The following DOK5 variants were observed in gnomAD, a reference collection of about 807,000 sequenced individuals.
The protein encoded by DOK5 is docking protein 5.
DOK5 carries 27 observed loss-of-function variants against 43.3 expected under a neutral mutation model. The ratio of observed to expected loss-of-function variants is 0.62; its 90% CI spans 0.46 to 0.86. The LOEUF is 0.86. DOK5 is among the 40% of genes least tolerant of loss of function. The pLI is 0.00. For missense variants in DOK5, 373 were observed against 392.9 expected (o/e 0.95, Z 0.43); for synonymous variants, 146 against 140.1 (o/e 1.04, Z -0.30).
intron 1 of DOK5, among the ~76,000 whole-genome samples, chr20:54,534,109 G>A (rs896416627): frequency 3.9e-5 from 6 of 152,174 alleles, no homozygotes; most frequent in African/African-American, 1.4e-4. Flanking sequence ...GTAAAGATTC[G>A]TTTTTGATCA....
rs386394048 is a variant in DOK5 at position 54,646,248 on chromosome 20, G to GTTTTTTTTTT, written c.856+2685_856+2694dup. On this transcript the variant is annotated intron_variant, in intron 7 of 7. Transcript: ENST00000262593. Reference sequence around the variant, plus strand: ...TACTGTTATATCCACTGGTTATACTGTTTTTTTTTTTTTTTTTTTTTTTTG... The same window carrying GTTTTTTTTTT: ...TACTGTTATATCCACTGGTTATACTGTTTTTTTTTTTTTTTTTTTTTTTTTTTTTTTTTTG... Among the ~76,000 whole-genome samples the GTTTTTTTTTT allele has an allele frequency of 1.1e-3, 84 of 79,924 alleles. 7 individuals are homozygous for GTTTTTTTTTT. Among genetic ancestry groups the GTTTTTTTTTT allele is most frequent in the African/African-American group, 1.4e-3 (27 of 18,994 alleles). The allele number at this position is 79,924 out of a possible 152,430, so 52.4% of individuals were successfully genotyped here. A position where few individuals can be genotyped will look rare whatever the true frequency, so the allele number is the denominator to read the frequency against.
intron 1 of DOK5, among the ~76,000 whole-genome samples, chr20:54,479,946 A>G (rs1176925115): frequency 6.6e-6 from 1 of 151,966 alleles, no homozygotes; most frequent in African/African-American, 2.4e-5. Flanking sequence ...TATCTTTGAA[A>G]TATATCTAGA....
At chr20:54,496,916 G>A (rs1019208230) in intron 1 of DOK5, among the ~76,000 whole-genome samples, 2 of 152,000 alleles carry the variant, frequency 1.3e-5, no homozygotes, top group Admixed American at 1.3e-4. Context: ...TAAGATTCTG[G>A]CCTCTTAGTA....
At chr20:54,548,789 A>G (rs997335275) in intron 1 of DOK5, among the ~76,000 whole-genome samples, 1 of 152,226 alleles carries the variant, frequency 6.6e-6, no homozygotes, top group African/African-American at 2.4e-5. Flanking sequence ...GCCAGTGTTA[A>G]CCCAAGTAGT....
At chr20:54,585,678 G>A (rs1205276434) in intron 2 of DOK5, among the ~76,000 whole-genome samples, 1 of 152,210 alleles carries the variant, frequency 6.6e-6, no homozygotes, top group Non-Finnish European at 1.5e-5. Flanking sequence ...AAAAGCACAG[G>A]CTTTAGGGTT....
chr20:54,507,181 C>G (rs779074023), intron 1 of DOK5, among the ~76,000 whole-genome samples: 2 of 151,974 alleles, frequency 1.3e-5, no homozygotes, highest in African/African-American at 2.4e-5. Flanking sequence ...GAACACCCTG[C>G]CTTTAAGGAG....
At chr20:54,527,935 G>T (rs1983633701) in intron 1 of DOK5, among the ~76,000 whole-genome samples, 1 of 152,184 alleles carries the variant, frequency 6.6e-6, no homozygotes, top group African/African-American at 2.4e-5. Flanking sequence ...TACTGGGCGT[G>T]GTGGCTCATG....
At chr20:54,614,262 T>C (rs1986737418) in intron 6 of DOK5, among the ~76,000 whole-genome samples, 1 of 152,140 alleles carries the variant, frequency 6.6e-6, no homozygotes, top group Non-Finnish European at 1.5e-5. Flanking sequence ...TAATACAATC[T>C]TGGTATTTAT....
intron 6 of DOK5, among the ~76,000 whole-genome samples, chr20:54,628,401 T>G (rs1978400887): frequency 1.2e-5 from 1 of 85,394 alleles, no homozygotes; most frequent in African/African-American, 5.8e-5. Flanking sequence ...AGAGCGAGAC[T>G]CCGTCTCAAA....
intron 6 of DOK5, among the ~76,000 whole-genome samples, chr20:54,622,974 C>G: frequency 6.6e-6 from 1 of 151,982 alleles, no homozygotes; most frequent in East Asian, 1.9e-4. Flanking sequence ...AGTACAGGAC[C>G]CTTCTAAGCA....
chr20:54,604,294 A>T (rs73144079), intron 5 of DOK5, among the ~76,000 whole-genome samples: 8,856 of 147,970 alleles, frequency 0.06, 299 homozygotes, highest in Middle Eastern at 0.1. Context: ...AAAAGTAAAC[A>T]TTCTGTGCTT....
At chr20:54,499,798 A>G (rs1982527641) in intron 1 of DOK5, among the ~76,000 whole-genome samples, 1 of 152,210 alleles carries the variant, frequency 6.6e-6, no homozygotes, top group South Asian at 2.1e-4. Flanking sequence ...ATCTCAGTCT[A>G]TTCTGACGTG....
intron 7 of DOK5, among the ~76,000 whole-genome samples, chr20:54,644,710 A>AAAAAAAAAC (rs1979298536): frequency 9.8e-6 from 1 of 102,270 alleles, no homozygotes; most frequent in Non-Finnish European, 2.0e-5. Flanking sequence ...CGTCTCAAAA[A>AAAAAAAAAC]AAAAAAAAAA....
chr20:54,598,171 T>G lies in DOK5; in HGVS notation c.599+6366T>G, dbSNP rs185758092. The stretch of plus-strand genomic sequence containing the variant: ...CTTCTCCTCCTGGTATCATAAAATC[T>G]GACCATATTCTCTATTTTTTGAGGA... On this transcript the variant is annotated intron_variant, in intron 5 of 7. Coordinates refer to ENST00000262593, the MANE Select transcript of DOK5 (RefSeq NM_018431.5). 2.0e-5 allele frequency among the ~76,000 whole-genome samples: 3 copies of G among 152,316 alleles called. No homozygotes were observed. In the East Asian group the frequency reaches 5.8e-4, roughly 29 times the overall value.
intron 1 of DOK5, among the ~76,000 whole-genome samples, chr20:54,539,162 C>T (rs747614697): frequency 4.0e-5 from 6 of 151,452 alleles, no homozygotes; most frequent in Non-Finnish European, 7.4e-5. Flanking sequence ...TGGCAGCCTG[C>T]GCCTGTAGTC....
chr20:54,639,123 G>A (rs1192717258), intron 6 of DOK5, among the ~76,000 whole-genome samples: 3 of 152,220 alleles, frequency 2.0e-5, no homozygotes, highest in Non-Finnish European at 2.9e-5. Flanking sequence ...GTAACCTTAA[G>A]CTGGATAGGA....
chr20:54,518,190 T>C (rs548880729), intron 1 of DOK5, among the ~76,000 whole-genome samples: 1 of 152,252 alleles, frequency 6.6e-6, no homozygotes, highest in South Asian at 2.1e-4. Flanking sequence ...TTGTTACATA[T>C]ATATACATGT....
intron 7 of DOK5, among the ~76,000 whole-genome samples, chr20:54,648,073 A>G (rs1040818505): frequency 2.0e-4 from 31 of 152,256 alleles, no homozygotes; most frequent in African/African-American, 7.5e-4. Flanking sequence ...CCGAAAGGGT[A>G]TTTTATTCTC....
At chr20:54,565,861 CA>C (rs1490085607) in intron 2 of DOK5, among the ~76,000 whole-genome samples, 1 of 151,572 alleles carries the variant, frequency 6.6e-6, no homozygotes. Context: ...CTAAAAAATA[CA>C]AAAAAATTAG....
Sources: allele counts gnomAD v4.1 joint callset (sites outside exome capture counted in the v4.1 genomes callset), GRCh38; gene constraint gnomAD v4.1.1; transcripts MANE v1.5; gene names NCBI Gene and HGNC (gene_info 2026-07-23, HGNC 2026-07-21).